Variants in CALN1 observed in about 807,000 individuals in gnomAD.
CALN1 encodes calneuron 1.
In CALN1, 17 loss-of-function variants were observed where a neutral mutation model predicts 30.6. The ratio of observed to expected loss-of-function variants is 0.56; its 90% CI spans 0.38 to 0.83. The LOEUF is 0.83. CALN1 is among the 40% of genes least tolerant of loss of function. CALN1 has a pLI of 0.00. For missense variants in CALN1, 291 were observed against 354.9 expected (o/e 0.82, Z 1.45); for synonymous variants, 156 against 131.4 (o/e 1.19, Z -1.28).
chr7:71,959,017 T>C (rs1036532308), intron 5 of CALN1, among the ~76,000 whole-genome samples: 2 of 152,302 alleles, frequency 1.3e-5, no homozygotes, highest in Middle Eastern at 3.4e-3. Flanking sequence ...GTATTTTGGG[T>C]CACTTGTTAG....
At chr7:72,471,130 T>A in the CALN1 span, among the ~76,000 whole-genome samples, 1 of 152,132 alleles carries the variant, frequency 6.6e-6, no homozygotes, top group African/African-American at 2.4e-5. Context: ...ATATTTTTAT[T>A]TTTTGCAGAG....
intron 5 of CALN1, among the ~76,000 whole-genome samples, chr7:71,939,777 G>A (rs1016214947): frequency 1.3e-5 from 2 of 152,022 alleles, no homozygotes. Context: ...AGGACACAGA[G>A]GATACCTAGG....
chr7:72,078,698 C>T (rs1417018698), intron 4 of CALN1, among the ~76,000 whole-genome samples: 1 of 152,022 alleles, frequency 6.6e-6, no homozygotes, highest in African/African-American at 2.4e-5. Context: ...TTTGGGAGGT[C>T]ACCAAGGCGG....
intron 5 of CALN1, among the ~76,000 whole-genome samples, chr7:72,017,129 A>G (rs1584752610): frequency 1.4e-5 from 2 of 146,874 alleles, no homozygotes; most frequent in Admixed American, 1.4e-4. Context: ...ATGTAACTGC[A>G]CTCCTGCCTG....
At chr7:72,154,560 C>T (rs1255075746) in intron 3 of CALN1, among the ~76,000 whole-genome samples, 3 of 152,084 alleles carry the variant, frequency 2.0e-5, no homozygotes, top group African/African-American at 7.2e-5. Context: ...ACTGAACACC[C>T]GAGATGTAAA....
chr7:72,500,030 G>A, the CALN1 span, among the ~76,000 whole-genome samples: 13 of 150,918 alleles, frequency 8.6e-5, no homozygotes, highest in South Asian at 2.1e-4. Flanking sequence ...TCCTGCCTCC[G>A]CCTCCCTAGT....
At chr7:71,970,879 G>A (rs1461068365) in intron 5 of CALN1, among the ~76,000 whole-genome samples, 1 of 152,140 alleles carries the variant, frequency 6.6e-6, no homozygotes, top group African/African-American at 2.4e-5. Context: ...AGGGATCTGA[G>A]GCTGATAGGT....
At chr7:72,452,748 T>C in the CALN1 span, among the ~76,000 whole-genome samples, 1 of 152,144 alleles carries the variant, frequency 6.6e-6, no homozygotes, top group East Asian at 1.9e-4. Flanking sequence ...CAGAATAGAA[T>C]CCAGGAGGCC....
chr7:72,016,972 G>C (rs1264995024), intron 5 of CALN1, among the ~76,000 whole-genome samples: 1 of 115,256 alleles, frequency 8.7e-6, no homozygotes, highest in Non-Finnish European at 1.6e-5. Context: ...GGCCAAGGTG[G>C]CAAAACCCCG....
intron 2 of CALN1, among the ~76,000 whole-genome samples, chr7:72,360,133 A>G (rs970513806): frequency 3.3e-5 from 5 of 152,144 alleles, no homozygotes; most frequent in Non-Finnish European, 7.3e-5. Flanking sequence ...AACAAACTAT[A>G]AAGGACATTA....
At chr7:72,366,599 T>G (rs1412965684) in intron 2 of CALN1, among the ~76,000 whole-genome samples, 2 of 152,126 alleles carry the variant, frequency 1.3e-5, no homozygotes, top group South Asian at 4.1e-4. Flanking sequence ...CAATGTACAT[T>G]GTACCTAATA....
intron 3 of CALN1, among the ~76,000 whole-genome samples, chr7:72,180,611 T>C (rs61178957): frequency 0.016 from 2,336 of 147,822 alleles, 54 homozygotes; most frequent in African/African-American, 0.055. Context: ...TTTTTTCTTT[T>C]TTTTTTTTTT....
At chr7:71,793,130 C>T (rs1786676218) in intron 6 of CALN1, among the ~76,000 whole-genome samples, 1 of 151,926 alleles carries the variant, frequency 6.6e-6, no homozygotes, top group Admixed American at 6.6e-5. Context: ...CATAGTGAAA[C>T]TCCGTCTCTA....
At chr7:71,965,653 A>G (rs1197075843) in intron 5 of CALN1, among the ~76,000 whole-genome samples, 2 of 152,218 alleles carry the variant, frequency 1.3e-5, no homozygotes, top group African/African-American at 2.4e-5. Flanking sequence ...TACCTTATTC[A>G]TTTAAAAGAG....
At position 72,441,427 on chromosome 7, in the gene CALN1, G is replaced by A. The variant is rs141457432; in HGVS notation, c.-226+5615C>T. 9.8e-3 allele frequency among the ~76,000 whole-genome samples: 1,490 copies of A among 151,884 alleles called. 16 individuals carry two copies. The highest frequency in any genetic ancestry group is 0.017 in the Non-Finnish European group (1,127 of 67,938). On this transcript the variant is annotated intron_variant, in intron 1 of 6. Transcript: ENST00000395276. ...AGCCTGACCAACAGGATGAAACCCC[G>A]TCTCTACTAAAAATATAAAAATTAG...
chr7:72,176,334 G>A (rs999772824), intron 3 of CALN1, among the ~76,000 whole-genome samples: 1 of 152,168 alleles, frequency 6.6e-6, no homozygotes. Flanking sequence ...GGCATTCCCT[G>A]CTGTTTGCTG....
At chr7:71,998,998 T>C (rs1799394238) in intron 5 of CALN1, among the ~76,000 whole-genome samples, 1 of 152,142 alleles carries the variant, frequency 6.6e-6, no homozygotes, top group African/African-American at 2.4e-5. Flanking sequence ...CTTACATAGA[T>C]AATTAACTTA....
chr7:71,870,508 ATTT>A (rs2116730430), intron 5 of CALN1, among the ~76,000 whole-genome samples: 1 of 152,334 alleles, frequency 6.6e-6, no homozygotes, highest in African/African-American at 2.4e-5. Context: ...TTGAATATTA[ATTT>A]TTAAGAGAAA....
chr7:72,231,786 C>T (rs539033003), intron 3 of CALN1, among the ~76,000 whole-genome samples: 1 of 152,208 alleles, frequency 6.6e-6, no homozygotes, highest in Non-Finnish European at 1.5e-5. Flanking sequence ...TTGCTGATAA[C>T]CCCACCCTTA....
Sources: gnomAD v4.1 joint callset for allele counts (sites outside exome capture counted in the v4.1 genomes callset) on GRCh38, gnomAD v4.1.1 for gene constraint, MANE v1.5 for transcripts, NCBI Gene and HGNC (gene_info 2026-07-23, HGNC 2026-07-21) for gene names.